The following LARGE1 variants were observed in gnomAD, a reference collection of about 807,000 sequenced individuals.
LARGE1 encodes LARGE xylosyl- and glucuronyltransferase 1.
A neutral mutation model predicts 87.6 loss-of-function variants in LARGE1; 43 were observed. The observed-to-expected ratio is 0.49, with a 90% CI of 0.38 to 0.63. The LOEUF is 0.63. Among genes scored for constraint, LARGE1 ranks in the 30% least tolerant of loss-of-function variants. The pLI, the probability that LARGE1 is intolerant of heterozygous loss-of-function variation, is 0.00. For missense variants in LARGE1, 802 were observed against 1,000.2 expected (o/e 0.80, Z 2.67); for synonymous variants, 434 against 394.6 (o/e 1.10, Z -1.18).
chr22:33,242,000 T>G (rs1253178258), intron 11 of LARGE1, among the ~76,000 whole-genome samples: 1 of 152,198 alleles, frequency 6.6e-6, no homozygotes, highest in African/African-American at 2.4e-5. Context: ...AAAGTAGATC[T>G]TAAATGTTTT....
chr22:33,184,729 T>C (rs770387316), intron 11 of LARGE1, among the ~76,000 whole-genome samples: 3 of 151,952 alleles, frequency 2.0e-5, no homozygotes, highest in Non-Finnish European at 4.4e-5. Context: ...ATGAACAACC[T>C]AATTCTAAAA....
chr22:33,580,550 G>A (rs559474713), intron 5 of LARGE1, among the ~76,000 whole-genome samples: 47 of 152,188 alleles, frequency 3.1e-4, no homozygotes, highest in Non-Finnish European at 5.3e-4. Context: ...CCTGATCACA[G>A]TGAGTGAGCT....
chr22:33,800,627 G>A (rs963084305), intron 1 of LARGE1, among the ~76,000 whole-genome samples: 1 of 152,116 alleles, frequency 6.6e-6, no homozygotes, highest in Non-Finnish European at 1.5e-5. Flanking sequence ...GGAGAAGGTT[G>A]TACAAACAGA....
rs192948050 is a variant in LARGE1 at position 33,601,735 on chromosome 22, C to T, written c.615+2700G>A. On this transcript the variant is annotated intron_variant, in intron 5 of 14. Transcript: ENST00000397394. ...CTTTGATGAAGTCTTCGATAGTAGA[C>T]ATCGGGTTAGAGGACAGGACTCTAG... is the stretch of plus-strand genomic sequence containing the variant. Among the ~76,000 whole-genome samples, 172 of 152,222 alleles carry T rather than the reference C, an allele frequency of 1.1e-3. 1 individual carries two copies. Among genetic ancestry groups the T allele is most frequent in the African/African-American group, 4.0e-3 (165 of 41,532 alleles).
chr22:33,855,342 T>A (rs1601785660), intron 1 of LARGE1, among the ~76,000 whole-genome samples: 2 of 151,360 alleles, frequency 1.3e-5, no homozygotes, highest in Non-Finnish European at 1.5e-5. Context: ...TCAAAAAAAA[T>A]AAATAAATAA....
chr22:33,235,201 C>A (rs181004242), intron 11 of LARGE1, among the ~76,000 whole-genome samples: 1 of 152,254 alleles, frequency 6.6e-6, no homozygotes, highest in East Asian at 1.9e-4. Flanking sequence ...CAAGGTTTCT[C>A]CTGCATGCAG....
chr22:33,091,414 A>T, the LARGE1 span, among the ~76,000 whole-genome samples: 1 of 152,082 alleles, frequency 6.6e-6, no homozygotes, highest in Non-Finnish European at 1.5e-5. Flanking sequence ...TACAAAAATT[A>T]GCCAGTGTGG....
At chr22:33,624,389 G>T (rs2079854954) in intron 4 of LARGE1, among the ~76,000 whole-genome samples, 1 of 152,160 alleles carries the variant, frequency 6.6e-6, no homozygotes, top group South Asian at 2.1e-4. Context: ...AGCACAGGGG[G>T]TATTGTGGGC....
intron 6 of LARGE1, among the ~76,000 whole-genome samples, chr22:33,560,340 G>A (rs1410492575): frequency 6.6e-6 from 1 of 152,194 alleles, no homozygotes; most frequent in African/African-American, 2.4e-5. Context: ...ATGATACCCA[G>A]TGGCATGGCA....
At position 33,757,449 on chromosome 22, in the gene LARGE1, G is replaced by A. The variant is rs496210; in HGVS notation, c.106+3922C>T. Among the ~76,000 whole-genome samples the A allele has an allele frequency of 4.0e-5, 6 of 151,850 alleles. 1 individual carries two copies. The highest frequency in any genetic ancestry group is 8.8e-5 in the Non-Finnish European group (6 of 67,958). On this transcript the variant is annotated intron_variant, in intron 2 of 14. Coordinates refer to ENST00000397394, the MANE Select transcript of LARGE1 (RefSeq NM_133642.5). Reference sequence around the variant, plus strand: ...AACTTCATTTCACGTCGGAAGAAACGAAGGCCTACCATGAAGAGCAAGTGT... The same window carrying A: ...AACTTCATTTCACGTCGGAAGAAACAAAGGCCTACCATGAAGAGCAAGTGT...
chr22:33,729,784 A>G (rs1286767176), intron 2 of LARGE1, among the ~76,000 whole-genome samples: 1 of 152,260 alleles, frequency 6.6e-6, no homozygotes, highest in Non-Finnish European at 1.5e-5. Flanking sequence ...AAAGATCTTT[A>G]TCTCTGCTTC....
At chr22:33,172,450 ACTCT>A (rs137349) in intron 11 of LARGE1, among the ~76,000 whole-genome samples, 87 of 148,834 alleles carry the variant, frequency 5.8e-4, no homozygotes, top group Admixed American at 8.7e-4. Flanking sequence ...TCCCCTGCTC[ACTCT>A]CTCTCTCTCT....
chr22:33,602,659 C>T (rs904224751), intron 5 of LARGE1, among the ~76,000 whole-genome samples: 1 of 151,766 alleles, frequency 6.6e-6, no homozygotes, highest in Non-Finnish European at 1.5e-5. Flanking sequence ...CAGGTGTGTG[C>T]CGTCACACTT....
chr22:33,659,985 T>C lies in LARGE1; in HGVS notation c.107-9317A>G, dbSNP rs370563562. ...ATACCTGGGTTTAGACTACAAATGC[T>C]TGAAGTGTGTTCTAACGAGCAATGA... On this transcript the variant is annotated intron_variant, in intron 2 of 14. Transcript: ENST00000397394. Among the ~76,000 whole-genome samples, 54 of 152,236 alleles carry C rather than the reference T, an allele frequency of 3.5e-4. No individual in the cohort carries two copies. In the East Asian group the frequency reaches 9.3e-3, roughly 26 times the overall value.
chr22:33,691,170 T>C (rs149082313), intron 2 of LARGE1, among the ~76,000 whole-genome samples: 157 of 152,230 alleles, frequency 1.0e-3, no homozygotes, highest in Middle Eastern at 3.4e-3. Flanking sequence ...AGAATGGCTC[T>C]GGGCAACTGT....
chr22:33,658,593 C>G (rs1381919571), intron 2 of LARGE1, among the ~76,000 whole-genome samples: 1 of 152,184 alleles, frequency 6.6e-6, no homozygotes, highest in Non-Finnish European at 1.5e-5. Flanking sequence ...CCAGCTTCAT[C>G]CATGTTCATG....
intron 10 of LARGE1, chr22:33,320,882 C>T (rs1936645883): frequency 6.6e-6 from 1 of 152,286 alleles, no homozygotes; most frequent in Non-Finnish European, 1.5e-5. Flanking sequence ...CCTCATCCAA[C>T]AGTTGAGAAG....
chr22:33,756,379 T>A (rs1049456775), intron 2 of LARGE1, among the ~76,000 whole-genome samples: 3 of 152,004 alleles, frequency 2.0e-5, no homozygotes, highest in Non-Finnish European at 4.4e-5. Context: ...AACAAAAGAT[T>A]ATAAAAACAA....
the LARGE1 span, among the ~76,000 whole-genome samples, chr22:33,145,790 T>A: frequency 1.3e-5 from 2 of 152,210 alleles, no homozygotes; most frequent in Admixed American, 6.5e-5. Flanking sequence ...CTCACCAAAT[T>A]GGCAATGGCT....
Sources: allele counts gnomAD v4.1 joint callset (sites outside exome capture counted in the v4.1 genomes callset), GRCh38; gene constraint gnomAD v4.1.1; transcripts MANE v1.5; gene names NCBI Gene and HGNC (gene_info 2026-07-23, HGNC 2026-07-21).